The following ASTN2 variants were observed in gnomAD, a reference collection of about 807,000 sequenced individuals.
The protein encoded by ASTN2 is astrotactin 2.
ASTN2 carries 54 observed loss-of-function variants against 139.8 expected under a neutral mutation model. That is an observed-to-expected ratio of 0.39 (90% CI 0.31 to 0.48). ASTN2 has a LOEUF of 0.48. Among genes scored for constraint, ASTN2 ranks in the 20% least tolerant of loss-of-function variants. ASTN2 has a pLI of 0.95. For synonymous variants in ASTN2, 756 were observed against 719.5 expected, an observed-to-expected ratio of 1.05 and a Z score of -0.81; for missense variants, 1,565 against 1,725.1, an observed-to-expected ratio of 0.91 and a Z score of 1.64.
intron 3 of ASTN2, among the ~76,000 whole-genome samples, chr9:117,155,270 C>G (rs150436536): frequency 6.0e-4 from 92 of 152,134 alleles, no homozygotes; most frequent in South Asian, 5.4e-3. Flanking sequence ...CCTTCCCAAA[C>G]AGCAGCCAAA....
intron 6 of ASTN2, among the ~76,000 whole-genome samples, chr9:117,012,077 G>A (rs957306382): frequency 1.3e-5 from 2 of 152,164 alleles, no homozygotes; most frequent in African/African-American, 2.4e-5. Flanking sequence ...CACATACTAG[G>A]ACTTTAGTGA....
intron 2 of ASTN2, among the ~76,000 whole-genome samples, chr9:117,238,441 G>A (rs912744974): frequency 6.6e-6 from 1 of 152,186 alleles, no homozygotes; most frequent in African/African-American, 2.4e-5. Flanking sequence ...CTACAAAGGA[G>A]AGGATTGTAC....
At chr9:116,957,053 T>A (rs1019548389) in intron 10 of ASTN2, among the ~76,000 whole-genome samples, 2 of 150,968 alleles carry the variant, frequency 1.3e-5, no homozygotes, top group Non-Finnish European at 1.5e-5. Flanking sequence ...CAGTTAATTT[T>A]TTTTTTTTTT....
chr9:116,824,559 C>T (rs73529468), intron 11 of ASTN2, among the ~76,000 whole-genome samples: 2 of 152,352 alleles, frequency 1.3e-5, no homozygotes, highest in South Asian at 2.1e-4. Flanking sequence ...CCAATCAAGC[C>T]TGTTCAGATA....
At chr9:117,300,432 T>G (rs1834847178) in intron 1 of ASTN2, among the ~76,000 whole-genome samples, 1 of 152,202 alleles carries the variant, frequency 6.6e-6, no homozygotes. Context: ...TATCACTAAA[T>G]GTACATTTTC....
intron 5 of ASTN2, among the ~76,000 whole-genome samples, chr9:117,064,261 G>T (rs1827866133): frequency 6.6e-6 from 1 of 152,118 alleles, no homozygotes; most frequent in Non-Finnish European, 1.5e-5. Flanking sequence ...GATGGCCAGT[G>T]CTTCCTCCAA....
chr9:116,705,979 G>T (rs1827979242), intron 16 of ASTN2, among the ~76,000 whole-genome samples: 1 of 151,542 alleles, frequency 6.6e-6, no homozygotes, highest in Admixed American at 6.6e-5. Context: ...AATTCAAATG[G>T]TTCTTTTTTT....
At chr9:116,463,751 T>A (rs561896597) in intron 20 of ASTN2, among the ~76,000 whole-genome samples, 7 of 152,162 alleles carry the variant, frequency 4.6e-5, no homozygotes, top group Non-Finnish European at 1.0e-4. Context: ...TCCTACTCTA[T>A]CTTCTCCACT....
At chr9:116,889,763 ACACACAC>A (rs1449527557) in intron 10 of ASTN2, among the ~76,000 whole-genome samples, 19 of 137,540 alleles carry the variant, frequency 1.4e-4, no homozygotes, top group Non-Finnish European at 3.1e-5. Flanking sequence ...ACACACACAC[ACACACAC>A]AAATAAGAAA....
chr9:116,564,223 G>A (rs1010949250), intron 19 of ASTN2, among the ~76,000 whole-genome samples: 2 of 152,028 alleles, frequency 1.3e-5, no homozygotes, highest in Non-Finnish European at 2.9e-5. Context: ...TGGCTCTTTG[G>A]GTCTTGCTCT....
At chr9:117,187,297 T>C (rs1831226148) in intron 3 of ASTN2, among the ~76,000 whole-genome samples, 1 of 152,034 alleles carries the variant, frequency 6.6e-6, no homozygotes, top group African/African-American at 2.4e-5. Flanking sequence ...GAACAAGCCA[T>C]GCAAAGCCCT....
At chr9:116,785,992 C>T (rs899550012) in intron 13 of ASTN2, among the ~76,000 whole-genome samples, 1 of 152,198 alleles carries the variant, frequency 6.6e-6, no homozygotes, top group Non-Finnish European at 1.5e-5. Context: ...CAAAATGGCC[C>T]ATACTTCCCC....
At chr9:116,801,815 TA>T (rs1222361944) in intron 13 of ASTN2, among the ~76,000 whole-genome samples, 1 of 151,932 alleles carries the variant, frequency 6.6e-6, no homozygotes, top group East Asian at 1.9e-4. Flanking sequence ...TAGATTGCTC[TA>T]ATATAATGGT....
At chr9:117,167,833 G>T (rs1830703503) in intron 3 of ASTN2, among the ~76,000 whole-genome samples, 1 of 152,066 alleles carries the variant, frequency 6.6e-6, no homozygotes. Flanking sequence ...TGTTATCTGG[G>T]ATGTCAGCAA....
At chr9:117,332,589 C>A (rs553461180) in intron 1 of ASTN2, among the ~76,000 whole-genome samples, 1 of 152,132 alleles carries the variant, frequency 6.6e-6, no homozygotes, top group African/African-American at 2.4e-5. Flanking sequence ...CAAACAACAA[C>A]AACAAAAAGG....
intron 1 of ASTN2, among the ~76,000 whole-genome samples, chr9:117,315,507 G>A (rs189749462): frequency 1.4e-4 from 21 of 152,302 alleles, no homozygotes; most frequent in Admixed American, 1.4e-3. Context: ...CAAATCACTG[G>A]CACTGTCCCA....
chr9:117,053,600 C>T (rs1390529137), intron 5 of ASTN2, among the ~76,000 whole-genome samples: 1 of 152,168 alleles, frequency 6.6e-6, no homozygotes, highest in African/African-American at 2.4e-5. Flanking sequence ...TGTTTCACCC[C>T]AGCAACATCC....
At chr9:116,590,673 G>T (rs1313709989) in intron 19 of ASTN2, among the ~76,000 whole-genome samples, 1 of 152,172 alleles carries the variant, frequency 6.6e-6, no homozygotes. Context: ...AGAACTTACA[G>T]TGATTTTTCC....
chr9:116,822,193 C>CAA lies in ASTN2; in HGVS notation c.2041-1412_2041-1411dup, dbSNP rs373782056. On this transcript the variant is annotated intron_variant, in intron 11 of 22. Transcript: ENST00000313400. ...AATTAATTTACAAAAACCACAATAA[C>CAA]AAAAAAAAAAAGGTCAGCCCTCTTG... is the stretch of plus-strand genomic sequence containing the variant. Among the ~76,000 whole-genome samples, 320 of 50,860 alleles carry CAA rather than the reference C, an allele frequency of 6.3e-3. 3 individuals carry two copies. The highest frequency in any genetic ancestry group is 0.012 in the African/African-American group (210 of 16,934). 33.4% of individuals were successfully genotyped at this position (50,860 alleles called of 152,430 possible).
Sources: gnomAD v4.1 joint callset for allele counts (sites outside exome capture counted in the v4.1 genomes callset) on GRCh38, gnomAD v4.1.1 for gene constraint, MANE v1.5 for transcripts, NCBI Gene and HGNC (gene_info 2026-07-23, HGNC 2026-07-21) for gene names.